The following EFCAB6 variants were observed in gnomAD, a reference collection of about 807,000 sequenced individuals.
The protein encoded by EFCAB6 is EF-hand calcium-binding domain-containing protein 6.
Under a neutral mutation model 169.8 loss-of-function variants are expected in EFCAB6, and 156 were observed. The ratio of observed to expected loss-of-function variants is 0.92; its 90% CI spans 0.81 to 1.05. EFCAB6 has a LOEUF of 1.05. Among genes scored for constraint, EFCAB6 ranks in the 50% least tolerant of loss-of-function variants. The pLI is 0.00. For missense variants in EFCAB6, 1,800 were observed against 1,829.1 expected (o/e 0.98, Z 0.29); for synonymous variants, 698 against 676.4 (o/e 1.03, Z -0.50).
chr22:43,738,411 TCA>T (rs961492762), intron 6 of EFCAB6, among the ~76,000 whole-genome samples: 23 of 149,558 alleles, frequency 1.5e-4, no homozygotes, highest in African/African-American at 5.2e-4. Flanking sequence ...CACACATCTC[TCA>T]CACACATACA....
At chr22:43,680,135 T>C (rs778818144) in intron 12 of EFCAB6, among the ~76,000 whole-genome samples, 62 of 152,242 alleles carry the variant, frequency 4.1e-4, no homozygotes, top group Non-Finnish European at 6.5e-4. Context: ...TATTTGTGTA[T>C]GGTGTAAGAG....
intron 13 of EFCAB6, among the ~76,000 whole-genome samples, chr22:43,676,501 T>G (rs563569284): frequency 6.6e-6 from 1 of 152,122 alleles, no homozygotes; most frequent in East Asian, 1.9e-4. Context: ...GGAAGAAAAT[T>G]TATCAAAATT....
intron 20 of EFCAB6, among the ~76,000 whole-genome samples, chr22:43,621,512 T>G (rs1248533865): frequency 2.0e-5 from 3 of 152,050 alleles, no homozygotes; most frequent in Non-Finnish European, 4.4e-5. Context: ...GAATAAAAAT[T>G]AAAACTACAA....
chr22:43,753,160 T>C (rs1238245341), intron 6 of EFCAB6, among the ~76,000 whole-genome samples: 1 of 152,186 alleles, frequency 6.6e-6, no homozygotes, highest in Non-Finnish European at 1.5e-5. Context: ...CAGGTGTACC[T>C]GATTCTCCAT....
chr22:43,678,291 CA>C, intron 12 of EFCAB6, 128 bp from the exon 13 acceptor site: 1 of 827,212 alleles, frequency 1.2e-6, no homozygotes. Context: ...ATTGGAAATG[CA>C]AATACATCGA....
At chr22:43,608,869 C>G (rs186182696) in intron 21 of EFCAB6, among the ~76,000 whole-genome samples, 16 of 152,226 alleles carry the variant, frequency 1.1e-4, no homozygotes, top group Non-Finnish European at 1.2e-4. Flanking sequence ...TGATCAACAA[C>G]TTGGGTTCAA....
intron 20 of EFCAB6, among the ~76,000 whole-genome samples, chr22:43,625,870 A>T (rs1400277456): frequency 6.6e-6 from 1 of 152,226 alleles, no homozygotes; most frequent in Non-Finnish European, 1.5e-5. Context: ...CTTGACAAAG[A>T]TTTATCTGCA....
chr22:43,724,899 C>A (rs2059668789), intron 8 of EFCAB6, among the ~76,000 whole-genome samples: 1 of 152,202 alleles, frequency 6.6e-6, no homozygotes, highest in South Asian at 2.1e-4. Context: ...TGTATGGCAA[C>A]AACCCCACTT....
At chr22:43,639,854 C>G (rs2055681537) in intron 17 of EFCAB6, among the ~76,000 whole-genome samples, 3 of 152,108 alleles carry the variant, frequency 2.0e-5, no homozygotes, top group African/African-American at 7.2e-5. Context: ...ATTTTTCTCT[C>G]TCCTCTTCAG....
chr22:43,590,316 C>T (rs769308528), intron 23 of EFCAB6, 87 bp from the exon 24 acceptor site: 137 of 1,481,058 alleles, frequency 9.3e-5, no homozygotes, highest in Non-Finnish European at 1.2e-4. Flanking sequence ...TATTCTAATG[C>T]AATGAGCTGA....
chr22:43,551,161 G>A (rs2048356970), intron 27 of EFCAB6, among the ~76,000 whole-genome samples: 1 of 152,308 alleles, frequency 6.6e-6, no homozygotes, highest in Admixed American at 6.5e-5. Flanking sequence ...TGGCATGAGG[G>A]TCTAGACATG....
chr22:43,600,364 T>C, intron 22 of EFCAB6, 101 bp from the exon 23 acceptor site: 1 of 1,215,324 alleles, frequency 8.2e-7, no homozygotes, highest in East Asian at 2.3e-5. Flanking sequence ...GAGGAGCTCG[T>C]CTTCCATCCC....
chr22:43,530,204 C>T (rs1037481447), intron 31 of EFCAB6, among the ~76,000 whole-genome samples: 1 of 152,242 alleles, frequency 6.6e-6, no homozygotes, highest in African/African-American at 2.4e-5. Flanking sequence ...AGAACCTGCC[C>T]TACTTCCTTC....
At chr22:43,589,648 C>T (rs1207528586) in intron 24 of EFCAB6, among the ~76,000 whole-genome samples, 50 of 152,138 alleles carry the variant, frequency 3.3e-4, no homozygotes, top group Non-Finnish European at 6.2e-4. Context: ...ATTGGCCAGG[C>T]GTGGTGGTGT....
At chr22:43,547,939 A>G (rs1287784082) in intron 27 of EFCAB6, among the ~76,000 whole-genome samples, 1 of 151,628 alleles carries the variant, frequency 6.6e-6, no homozygotes, top group African/African-American at 2.4e-5. Flanking sequence ...AAAATACAAA[A>G]AACAAAATTA....
At chr22:43,677,193 A>G (rs2057796415) in intron 13 of EFCAB6, among the ~76,000 whole-genome samples, 2 of 152,232 alleles carry the variant, frequency 1.3e-5, no homozygotes, top group South Asian at 4.1e-4. Flanking sequence ...TCTAATAATA[A>G]AAGTGTCAAC....
At chr22:43,649,104 G>A (rs976312302) in intron 17 of EFCAB6, among the ~76,000 whole-genome samples, 7 of 152,186 alleles carry the variant, frequency 4.6e-5, no homozygotes, top group African/African-American at 9.7e-5. Context: ...TACAGAGCCC[G>A]AGGGGGAAAA....
chr22:43,735,942 T>C lies in EFCAB6; in HGVS notation c.559A>G (p.Asn187Asp). ...VMKAFELIDV[N>D]KTGLVRPQEL... ...TGCGGTCGAACCAGTCCAGTCTTGT[T>C]AACATCAATGAGCTCAAAGGCTTTC... Residue 187 changes from asparagine (N) to aspartate (D), a missense_variant, in exon 7 of 32, where the codon AAC becomes GAC. Physicochemically the swap from Asn to Asp is conservative, Grantham distance 23. Transcript: ENST00000262726. 6.2e-7 allele frequency: 1 copy of C among 1,614,186 alleles called. No individual in the cohort carries two copies. The highest frequency in any genetic ancestry group is 1.1e-5 in the South Asian group (1 of 91,072).
intron 2 of EFCAB6, among the ~76,000 whole-genome samples, chr22:43,783,274 C>A (rs1428832365): frequency 6.6e-6 from 1 of 152,150 alleles, no homozygotes; most frequent in Non-Finnish European, 1.5e-5. Context: ...CAAAAAGCTT[C>A]AAGGGAAAAG....
Sources: allele counts gnomAD v4.1 joint callset (sites outside exome capture counted in the v4.1 genomes callset), GRCh38; gene constraint gnomAD v4.1.1; transcripts MANE v1.5; gene names NCBI Gene and HGNC (gene_info 2026-07-23, HGNC 2026-07-21).